FNIP1: variants seen among roughly 807,000 people sequenced by gnomAD.
FNIP1 encodes the protein folliculin interacting protein 1, also known as folliculin-interacting protein 1.
In FNIP1, 40 loss-of-function variants were observed where a neutral mutation model predicts 124.5. The ratio of observed to expected loss-of-function variants is 0.32; its 90% CI spans 0.25 to 0.42. The LOEUF is 0.42. FNIP1 is among the 10% of genes least tolerant of loss of function. The pLI is 1.00. For synonymous variants in FNIP1, 472 were observed against 470.6 expected (o/e 1.00, Z -0.04); for missense variants, 1,176 against 1,403.7 (o/e 0.84, Z 2.59).
chr5:131,659,108 C>G lies in FNIP1; in HGVS notation c.3109-7109G>C, dbSNP rs1244088950. On this transcript the variant is annotated intron_variant, in intron 15 of 17. Coordinates refer to ENST00000510461, the MANE Select transcript of FNIP1 (RefSeq NM_133372.3). ...TCATCATACTCCTGGCTTGCTGACC[C>G]ACATCTGCTGGAAGGTGGACAGCAA... 2.0e-5 allele frequency among the ~76,000 whole-genome samples: 3 copies of G among 152,150 alleles called. 1 individual carries two copies. The highest frequency in any genetic ancestry group is 4.1e-4 in the South Asian group (2 of 4,830).
At chr5:131,720,919 G>T (rs908672026) in intron 3 of FNIP1, among the ~76,000 whole-genome samples, 8 of 152,162 alleles carry the variant, frequency 5.3e-5, no homozygotes, top group Non-Finnish European at 1.0e-4. Flanking sequence ...AAACAACATG[G>T]CAAGTCCTCC....
chr5:131,693,350 A>ATATATATATG (rs1768577429), intron 11 of FNIP1, among the ~76,000 whole-genome samples: 1 of 136,494 alleles, frequency 7.3e-6, no homozygotes, highest in South Asian at 2.3e-4. Context: ...ATATATATAT[A>ATATATATATG]TATATATATA....
chr5:131,758,169 C>A (rs1771111347), intron 1 of FNIP1, among the ~76,000 whole-genome samples: 1 of 152,152 alleles, frequency 6.6e-6, no homozygotes, highest in Non-Finnish European at 1.5e-5. Context: ...CAGAGTGGCT[C>A]TTTTAATAGG....
intron 11 of FNIP1, among the ~76,000 whole-genome samples, chr5:131,696,434 C>A (rs1440541514): frequency 6.6e-6 from 1 of 151,884 alleles, no homozygotes; most frequent in South Asian, 2.1e-4. Context: ...AGTGAAGATG[C>A]CAGTAAACTA....
chr5:131,662,297 G>A (rs1767464253), intron 15 of FNIP1, among the ~76,000 whole-genome samples: 2 of 151,460 alleles, frequency 1.3e-5, no homozygotes, highest in Admixed American at 1.3e-4. Flanking sequence ...TGCTTCTAAT[G>A]TAAAAAGAAA....
intron 15 of FNIP1, among the ~76,000 whole-genome samples, chr5:131,653,808 C>T (rs1416047380): frequency 6.6e-6 from 1 of 152,150 alleles, no homozygotes; most frequent in East Asian, 1.9e-4. Flanking sequence ...GTGGCGTGAT[C>T]TCAGCTCACT....
chr5:131,758,444 T>A (rs1195824273), intron 1 of FNIP1, among the ~76,000 whole-genome samples: 2 of 152,214 alleles, frequency 1.3e-5, no homozygotes, highest in African/African-American at 4.8e-5. Context: ...TTCTTTTTTA[T>A]CAAAATTTAA....
At chr5:131,679,872 T>C (rs1252532010) in intron 11 of FNIP1, among the ~76,000 whole-genome samples, 1 of 152,270 alleles carries the variant, frequency 6.6e-6, no homozygotes, top group African/African-American at 2.4e-5. Context: ...AAGATGTTAA[T>C]TATTTTCTTT....
chr5:131,711,608 C>G (rs1156983285), intron 6 of FNIP1, among the ~76,000 whole-genome samples: 1 of 152,206 alleles, frequency 6.6e-6, no homozygotes, highest in African/African-American at 2.4e-5. Context: ...ATCTTCCCTC[C>G]TCAACCCTCC....
In FNIP1 at chr5:131,704,179, T is replaced by A. The variant is rs1314336107; in HGVS notation, c.1002A>T (p.Val334=). Residue 334 remains valine, a synonymous_variant, in exon 10 of 18, where the codon GTA becomes GTT. Transcript: ENST00000510461. ...CTTCATCTTTGGACAATGAAAAGAT[T>A]ACCCCAATTGCAATCTTCTTTTTCC... ...IVRKKKIAIG[V]IFSLSKDEDE... is the part of the protein sequence containing the mutation. 18 of 1,613,388 alleles carry A rather than the reference T, an allele frequency of 1.1e-5. No individual in the cohort carries two copies. Among genetic ancestry groups the A allele is most frequent in the Non-Finnish European group, 1.4e-5 (16 of 1,179,550 alleles).
At chr5:131,717,616 T>C (rs1205224104) in intron 5 of FNIP1, among the ~76,000 whole-genome samples, 1 of 152,170 alleles carries the variant, frequency 6.6e-6, no homozygotes, top group Non-Finnish European at 1.5e-5. Context: ...TACTGTAATA[T>C]ATTACAAATA....
At chr5:131,751,335 G>A (rs1419676643) in intron 1 of FNIP1, among the ~76,000 whole-genome samples, 2 of 151,710 alleles carry the variant, frequency 1.3e-5, no homozygotes, top group African/African-American at 4.8e-5. Context: ...CTGAGTTTTG[G>A]GATTACACTT....
chr5:131,778,087 T>A (rs2149582070), intron 1 of FNIP1, among the ~76,000 whole-genome samples: 1 of 152,214 alleles, frequency 6.6e-6, no homozygotes, highest in Admixed American at 6.5e-5. Flanking sequence ...TTTCTGTTTT[T>A]TTGGCTCACG....
At chr5:131,738,787 A>C (rs1444059590) in intron 2 of FNIP1, among the ~76,000 whole-genome samples, 4 of 150,374 alleles carry the variant, frequency 2.7e-5, no homozygotes, top group Non-Finnish European at 5.9e-5. Context: ...GTGTGGGATT[A>C]CAGGCATGAG....
At chr5:131,761,863 T>C (rs1337509865) in intron 1 of FNIP1, among the ~76,000 whole-genome samples, 2 of 152,162 alleles carry the variant, frequency 1.3e-5, no homozygotes, top group African/African-American at 4.8e-5. Context: ...CTTTAAATTA[T>C]ACTACAGTGC....
chr5:131,717,418 T>C (rs1364665719), intron 5 of FNIP1, among the ~76,000 whole-genome samples: 1 of 152,178 alleles, frequency 6.6e-6, no homozygotes, highest in African/African-American at 2.4e-5. Flanking sequence ...TCCAAGTCTT[T>C]GCGCCAAAAA....
intron 1 of FNIP1, among the ~76,000 whole-genome samples, chr5:131,771,011 A>T (rs942271693): frequency 1.3e-5 from 2 of 152,150 alleles, no homozygotes; most frequent in Non-Finnish European, 2.9e-5. Context: ...ATACGTATAC[A>T]TGTGCCATGC....
At chr5:131,767,452 A>AAAAAAAAAAG (rs1771474380) in intron 1 of FNIP1, among the ~76,000 whole-genome samples, 1 of 147,264 alleles carries the variant, frequency 6.8e-6, no homozygotes, top group Admixed American at 6.7e-5. Context: ...AAAAAAAAAA[A>AAAAAAAAAAG]AAAAGAAAAG....
At chr5:131,782,300 G>A (rs1385594658) in intron 1 of FNIP1, among the ~76,000 whole-genome samples, 1 of 152,146 alleles carries the variant, frequency 6.6e-6, no homozygotes, top group Non-Finnish European at 1.5e-5. Context: ...TGTAATCCCA[G>A]CACCTTGGGA....
Sources: gnomAD v4.1 joint callset for allele counts (sites outside exome capture counted in the v4.1 genomes callset) on GRCh38, gnomAD v4.1.1 for gene constraint, MANE v1.5 for transcripts, NCBI Gene and HGNC (gene_info 2026-07-23, HGNC 2026-07-21) for gene names.